The following PTPRZ1 variants were observed in gnomAD, a reference collection of about 807,000 sequenced individuals.
The protein encoded by PTPRZ1 is receptor-type tyrosine-protein phosphatase zeta.
In PTPRZ1, 82 loss-of-function variants were observed where a neutral mutation model predicts 214.1. That is an observed-to-expected ratio of 0.38 (90% confidence interval 0.32 to 0.46). PTPRZ1 has a LOEUF of 0.46. PTPRZ1 is among the 20% of genes least tolerant of loss of function. The probability of loss-of-function intolerance (pLI) is 1.00; values close to 1 mark genes in which losing one functional copy is unlikely to be tolerated. For missense variants in PTPRZ1, 2,603 were observed against 2,748.7 expected (o/e 0.95, Z 1.19); for synonymous variants, 945 against 987.9 (o/e 0.96, Z 0.81).
rs1172634163 is a variant in PTPRZ1 at position 122,011,799 on chromosome 7, A to G, written c.2753A>G (p.His918Arg). ...CCACCCAGCAGTGATGCCATGATGC[A>G]TGCACGTTCTTCAGGGCCTGAACCT... ...VEPPSSDAMM[H>R]ARSSGPEPSY... The change falls in exon 12 of 30, where the codon CAT becomes CGT. Residue 918 changes from histidine to arginine, a missense_variant. Physicochemically the swap from His to Arg is conservative, Grantham distance 29. Transcript: ENST00000393386. 1 of 1,614,122 alleles carries G rather than the reference A, an allele frequency of 6.2e-7. No homozygotes were observed. Among genetic ancestry groups the G allele is most frequent in the African/African-American group, 1.3e-5 (1 of 75,060 alleles).
intron 27 of PTPRZ1, among the ~76,000 whole-genome samples, chr7:122,058,361 C>T (rs780877653): frequency 1.2e-4 from 18 of 151,946 alleles, no homozygotes; most frequent in Admixed American, 3.3e-4. Flanking sequence ...TCCTTGTCGG[C>T]GTTTTCTCCA....
chr7:121,927,206 A>G (rs918048691), intron 1 of PTPRZ1, among the ~76,000 whole-genome samples: 4 of 152,244 alleles, frequency 2.6e-5, no homozygotes, highest in African/African-American at 9.6e-5. Context: ...ACATTTGTAA[A>G]CTAGCTATTT....
intron 1 of PTPRZ1, among the ~76,000 whole-genome samples, chr7:121,918,419 A>G (rs1442183796): frequency 2.0e-5 from 3 of 152,206 alleles, no homozygotes; most frequent in African/African-American, 7.2e-5. Flanking sequence ...CTGTTTTGCT[A>G]TGGTTCTTGT....
At chr7:121,967,323 T>C (rs1185244062) in intron 2 of PTPRZ1, among the ~76,000 whole-genome samples, 2 of 152,140 alleles carry the variant, frequency 1.3e-5, no homozygotes, top group Admixed American at 6.5e-5. Flanking sequence ...GGGAAGGAGA[T>C]ATTTTAAGGA....
rs1798683565 is a variant in PTPRZ1, at chr7:122,012,038, G to C, written c.2992G>C (p.Gly998Arg). Reference sequence around the variant, plus strand: ...CCTCTCTGGTGATGGGGAATGGTCTGGAGCCTCTTCTGATAGTGAATTTCT... The same window carrying C: ...CCTCTCTGGTGATGGGGAATGGTCTCGAGCCTCTTCTGATAGTGAATTTCT... ...HALSGDGEWSGASSDSEFLLP... is the reference protein window; with the variant it reads ...HALSGDGEWSRASSDSEFLLP... Residue 998 changes from glycine to arginine, a missense_variant, in exon 12 of 30, where the codon GGA (glycine) becomes CGA (arginine). By Grantham distance (125) the Gly-to-Arg change is moderately radical. Around this residue, in one of 6 missense-constraint regions of PTPRZ1, gnomAD observed 1,913 missense variants for 1,914.3 expected, o/e 1.00. Coordinates refer to ENST00000393386, the MANE Select transcript of PTPRZ1 (RefSeq NM_002851.3). 1 of 1,614,094 alleles carries C rather than the reference G, an allele frequency of 6.2e-7. No homozygotes were observed. Among genetic ancestry groups the C allele is most frequent in the African/African-American group, 1.3e-5 (1 of 74,934 alleles).
intron 14 of PTPRZ1, 59 bp from the exon 15 acceptor site, chr7:122,031,415 A>G (rs1376214352): frequency 8.5e-7 from 1 of 1,177,026 alleles, no homozygotes; most frequent in South Asian, 1.3e-5. Context: ...TTTATAAGTG[A>G]TAGGTACGTT....
chr7:121,977,576 T>C (rs977279623), intron 6 of PTPRZ1, among the ~76,000 whole-genome samples: 1 of 152,144 alleles, frequency 6.6e-6, no homozygotes, highest in Non-Finnish European at 1.5e-5. Context: ...GAAACAAAAC[T>C]CATGTAGATC....
chr7:121,951,802 C>G (rs1796548521), intron 2 of PTPRZ1, among the ~76,000 whole-genome samples: 1 of 152,154 alleles, frequency 6.6e-6, no homozygotes, highest in Non-Finnish European at 1.5e-5. Flanking sequence ...GATAAACCTT[C>G]TCTGTCCAGT....
chr7:121,886,102 G>A (rs1346689771), intron 1 of PTPRZ1, among the ~76,000 whole-genome samples: 6 of 152,122 alleles, frequency 3.9e-5, no homozygotes, highest in Non-Finnish European at 5.9e-5. Flanking sequence ...ATGTGTTTGG[G>A]TGATTGCGCT....
chr7:121,896,630 G>A (rs546126772), intron 1 of PTPRZ1, among the ~76,000 whole-genome samples: 13 of 152,164 alleles, frequency 8.5e-5, no homozygotes, highest in African/African-American at 2.6e-4. Flanking sequence ...AAAATTAGCC[G>A]GGTGTGGTGG....
At chr7:122,015,960 A>G (rs1429879404) in intron 12 of PTPRZ1, among the ~76,000 whole-genome samples, 1 of 152,122 alleles carries the variant, frequency 6.6e-6, no homozygotes, top group South Asian at 2.1e-4. Flanking sequence ...GTCTTATCCA[A>G]TAATTGAATA....
At chr7:121,913,330 C>T (rs757902415) in intron 1 of PTPRZ1, among the ~76,000 whole-genome samples, 1 of 152,102 alleles carries the variant, frequency 6.6e-6, no homozygotes, top group Non-Finnish European at 1.5e-5. Flanking sequence ...GTGAATTACA[C>T]GTGTGTCAAA....
intron 12 of PTPRZ1, among the ~76,000 whole-genome samples, chr7:122,016,213 A>T (rs1191461875): frequency 6.6e-6 from 1 of 152,034 alleles, no homozygotes; most frequent in African/African-American, 2.4e-5. Flanking sequence ...TTATGCTTTC[A>T]TGTTAGGGGC....
rs745549830 is a variant in PTPRZ1, at chr7:121,968,120, T to G, written c.294T>G (p.Thr98=). The change falls in exon 3 of 30, where the codon ACT becomes ACG. Residue 98 remains threonine (T), a synonymous_variant. Transcript: ENST00000393386. ...TGGAAAACACATTCATTCATAACAC[T>G]GGGAAAACAGGTAAAATATTTGCAT... The part of the protein sequence containing the change: ...TSLENTFIHN[T]GKTVEINLTN... 3.8e-6 allele frequency: 6 copies of G among 1,595,030 alleles called. No homozygotes were observed. The South Asian group carries it at 6.9e-5, about 18-fold the overall frequency.
chr7:122,053,693 G>A (rs1792259869), intron 25 of PTPRZ1, among the ~76,000 whole-genome samples: 2 of 151,996 alleles, frequency 1.3e-5, no homozygotes, highest in African/African-American at 4.8e-5. Flanking sequence ...ATTGCTGTGA[G>A]GAACAAACGA....
intron 10 of PTPRZ1, among the ~76,000 whole-genome samples, chr7:121,998,688 A>G (rs1406288694): frequency 6.6e-6 from 1 of 152,194 alleles, no homozygotes; most frequent in East Asian, 1.9e-4. Flanking sequence ...ACAAGTTTAC[A>G]TAATTAAGTT....
chr7:121,942,698 A>C (rs1348651598), intron 2 of PTPRZ1, among the ~76,000 whole-genome samples: 1 of 152,184 alleles, frequency 6.6e-6, no homozygotes, highest in Non-Finnish European at 1.5e-5. Context: ...TATAATGCAA[A>C]TTCCTCTACT....
intron 11 of PTPRZ1, among the ~76,000 whole-genome samples, chr7:122,006,638 A>T (rs1344040433): frequency 6.6e-6 from 1 of 152,048 alleles, no homozygotes; most frequent in Non-Finnish European, 1.5e-5. Context: ...GACAAACACA[A>T]GCAGATCTTC....
chr7:121,928,811 A>T (rs969558714), intron 2 of PTPRZ1, among the ~76,000 whole-genome samples: 5 of 152,220 alleles, frequency 3.3e-5, no homozygotes, highest in African/African-American at 9.7e-5. Context: ...GGCTTGAAAT[A>T]GTTACAACCA....
Sources: allele counts gnomAD v4.1 joint callset (sites outside exome capture counted in the v4.1 genomes callset), GRCh38; gene constraint gnomAD v4.1.1; regional missense constraint gnomAD v4.1.1; transcripts MANE v1.5; gene names NCBI Gene and HGNC (gene_info 2026-07-23, HGNC 2026-07-21).